The following KCNJ4 variants were observed in gnomAD, a reference collection of about 807,000 sequenced individuals.
The protein encoded by KCNJ4 is inward rectifier potassium channel 4.
A neutral mutation model predicts 25.6 loss-of-function variants in KCNJ4; 3 were observed. That is an observed-to-expected ratio of 0.12 (90% CI 0.05 to 0.30). The LOEUF (loss-of-function observed/expected upper bound fraction) is 0.30. Ranked by LOEUF, KCNJ4 falls within the 10% of genes least tolerant of loss-of-function variation. The pLI is 1.00. For synonymous variants in KCNJ4, 257 were observed against 283.9 expected (o/e 0.91, Z 0.95); for missense variants, 286 against 666.8 (o/e 0.43, Z 6.29).
chr22:38,435,752 T>C (rs1249407871), intron 1 of KCNJ4, among the ~76,000 whole-genome samples: 1 of 151,460 alleles, frequency 6.6e-6, no homozygotes, highest in East Asian at 1.9e-4. Flanking sequence ...TTCCCAGCCC[T>C]TGTGGAGCAC....
chr22:38,450,705 C>T (rs2089405509), intron 1 of KCNJ4, among the ~76,000 whole-genome samples: 1 of 152,186 alleles, frequency 6.6e-6, no homozygotes, highest in Non-Finnish European at 1.5e-5. Flanking sequence ...CTCTGGGCAC[C>T]TTCGGGCAGG....
Position 38,431,964 on chromosome 22 carries a change from T to TA in KCNJ4, c.-39-3794dup, listed in dbSNP as rs551503444. ...CTGACTAGAGATGTTTTTTTTTTTT[T>TA]AAAGGGCCCTGCTGGGCTAGGTGAC... is the stretch of plus-strand genomic sequence containing the variant. On this transcript the variant is annotated intron_variant, in intron 1 of 1. Transcript: ENST00000303592. Among the ~76,000 whole-genome samples the TA allele has an allele frequency of 7.4e-3, 1,119 of 151,468 alleles. 13 individuals are homozygous for TA. The highest frequency in any genetic ancestry group is 0.026 in the African/African-American group (1,069 of 41,210).
chr22:38,440,788 G>T (rs2089326492), intron 1 of KCNJ4, among the ~76,000 whole-genome samples: 1 of 152,186 alleles, frequency 6.6e-6, no homozygotes, highest in Admixed American at 6.5e-5. Context: ...AGTCCGCAGG[G>T]TTTGAGGGTG....
chr22:38,454,593 T>C (rs1431333485), intron 1 of KCNJ4, among the ~76,000 whole-genome samples: 1 of 152,118 alleles, frequency 6.6e-6, no homozygotes, highest in Non-Finnish European at 1.5e-5. Context: ...AGGATGCAGC[T>C]GGGGAGGCGG....
At chr22:38,433,601 G>T (rs536691728) in intron 1 of KCNJ4, among the ~76,000 whole-genome samples, 2 of 152,178 alleles carry the variant, frequency 1.3e-5, no homozygotes, top group Admixed American at 1.3e-4. Flanking sequence ...ACAGGCACGA[G>T]CCACTGCATC....
chr22:38,440,092 C>G (rs577881529), intron 1 of KCNJ4, among the ~76,000 whole-genome samples: 3 of 140,064 alleles, frequency 2.1e-5, no homozygotes, highest in African/African-American at 8.1e-5. Flanking sequence ...AGCGAGACTT[C>G]GTCTCAAAAA....
At chr22:38,442,153 T>C (rs757184062) in intron 1 of KCNJ4, among the ~76,000 whole-genome samples, 1 of 152,098 alleles carries the variant, frequency 6.6e-6, no homozygotes, top group Admixed American at 6.6e-5. Context: ...TTTGTGTCTT[T>C]TTAAATTTTA....
chr22:38,428,226 G>A (rs2093039113), intron 1 of KCNJ4, 55 bp from the exon 2 acceptor site: 1 of 1,455,276 alleles, frequency 6.9e-7, no homozygotes. Flanking sequence ...GCTCCCTCGG[G>A]GCCACTCAGA....
In KCNJ4 at chr22:38,427,862, G is replaced by A; in HGVS notation, c.271C>T (p.Pro91Ser). 2 of 1,611,218 alleles carry A rather than the reference G, an allele frequency of 1.2e-6. No individual in the cohort carries two copies. Among genetic ancestry groups the A allele is most frequent in the Non-Finnish European group, 1.7e-6 (2 of 1,178,560 alleles). The change falls in exon 2 of 2, where the codon CCA becomes TCA. Residue 91 changes from proline (P) to serine (S), a missense_variant. By Grantham distance (74) the Pro-to-Ser change is moderately conservative. Transcript: ENST00000303592. ...GGGCCCCCCGCCGCAGGCACCCCTGGGCTGGCCTCCAGGTCACCGTGGAAG... is the reference window on the plus strand; with the variant it reads ...GGGCCCCCCGCCGCAGGCACCCCTGAGCTGGCCTCCAGGTCACCGTGGAAG... The part of the protein sequence containing the change: ...AFFHGDLEAS[P>S]GVPAAGGPAA...
At position 38,449,379 on chromosome 22, in the gene KCNJ4, G is replaced by T. The variant is rs2089396687; in HGVS notation, c.-40+5601C>A. On this transcript the variant is annotated intron_variant, in intron 1 of 1. Transcript: ENST00000303592. The surrounding 1 kb of genome is among the most constrained non-coding windows in gnomAD (Gnocchi z 5.2). ...AAGTGGGGGTGATGGTTCTCCCAGGGTGGTGGAGGATTAAGTGAAATCATG... is the reference window on the plus strand; with the variant it reads ...AAGTGGGGGTGATGGTTCTCCCAGGTTGGTGGAGGATTAAGTGAAATCATG... Among the ~76,000 whole-genome samples the T allele has an allele frequency of 6.6e-6, 1 of 152,152 alleles. No homozygotes were observed. Among genetic ancestry groups the T allele is most frequent in the African/African-American group, 2.4e-5 (1 of 41,428 alleles).
rs573179515 is a variant in KCNJ4 at position 38,428,127 on chromosome 22, G to A, written c.6C>T (p.His2=). 5.6e-6 allele frequency: 9 copies of A among 1,607,366 alleles called. No homozygotes were observed. Among genetic ancestry groups the A allele is most frequent in the African/African-American group, 4.0e-5 (3 of 74,980 alleles). ...GGGCCTGGCCGTTGCGGCTGTGTCC[G>A]TGCATGTCCTGAAGCCGGCGTGGTC... M[H]GHSRNGQAHV... The change falls in exon 2 of 2, where the codon CAC becomes CAT. Residue 2 remains histidine, a synonymous_variant. Transcript: ENST00000303592.
chr22:38,447,025 T>TAAAAAAAAAAAAAAAAAAAAAAAAA (rs2089379820), intron 1 of KCNJ4, among the ~76,000 whole-genome samples: 1 of 144,334 alleles, frequency 6.9e-6, no homozygotes, highest in African/African-American at 2.6e-5. Flanking sequence ...CTCAGAGAGG[T>TAAAAAAAAAAAAAAAAAAAAAAAAA]GAAAAACCTG....
chr22:38,431,314 A>G (rs1451564700), intron 1 of KCNJ4, among the ~76,000 whole-genome samples: 1 of 152,034 alleles, frequency 6.6e-6, no homozygotes, highest in Non-Finnish European at 1.5e-5. Flanking sequence ...GGCTACAGAG[A>G]TTGGGCATCC....
chr22:38,451,975 G>A (rs2089412909), intron 1 of KCNJ4, among the ~76,000 whole-genome samples: 1 of 152,224 alleles, frequency 6.6e-6, no homozygotes, highest in Admixed American at 6.5e-5. Context: ...GGGCCCCTGA[G>A]TGTCTATGGT....
intron 1 of KCNJ4, among the ~76,000 whole-genome samples, chr22:38,438,724 AAAG>A (rs1273631594): frequency 3.3e-5 from 5 of 151,742 alleles, no homozygotes; most frequent in African/African-American, 4.8e-5. Flanking sequence ...AGAAAGAAAG[AAAG>A]AATACTCCAA....
chr22:38,427,352 T>C lies in KCNJ4; in HGVS notation c.781A>G (p.Ile261Val). Reference protein sequence around the residue: ...DRIFLVSPIIIVHEIDEDSPL... With the variant: ...DRIFLVSPIIVVHEIDEDSPL... ...CTGTCCTCGTCGATCTCGTGGACAA[T>C]GATGATGGGCGACACCAGGAAGATG... is the stretch of plus-strand genomic sequence containing the variant. The change falls in exon 2 of 2, where the codon ATT (isoleucine) becomes GTT (valine). Residue 261 changes from isoleucine (I) to valine (V), a missense_variant. Coordinates refer to ENST00000303592, the MANE Select transcript of KCNJ4 (RefSeq NM_152868.3). 1 of 1,613,890 alleles carries C rather than the reference T, an allele frequency of 6.2e-7. No individual in the cohort carries two copies. Among genetic ancestry groups the C allele is most frequent in the Non-Finnish European group, 8.5e-7 (1 of 1,179,994 alleles).
At chr22:38,436,475 T>A (rs2093065716) in intron 1 of KCNJ4, among the ~76,000 whole-genome samples, 1 of 152,210 alleles carries the variant, frequency 6.6e-6, no homozygotes, top group Admixed American at 6.5e-5. Context: ...CACTGGATTC[T>A]CTGAGCCTCG....
At position 38,451,754 on chromosome 22, in the gene KCNJ4, C is replaced by T. The variant is rs543303977; in HGVS notation, c.-40+3226G>A. 5.9e-5 allele frequency among the ~76,000 whole-genome samples: 9 copies of T among 152,268 alleles called. No homozygotes were observed. In the East Asian group the frequency reaches 1.7e-3, roughly 29 times the overall value. ...CACTTCCCCCTCAGGCCTCAGTTTC[C>T]ACTTTTGTAAAACAATGGCCCTGGC... On this transcript the variant is annotated intron_variant, in intron 1 of 1. Transcript: ENST00000303592.
At chr22:38,448,051 G>A (rs2089386790) in intron 1 of KCNJ4, among the ~76,000 whole-genome samples, 2 of 126,850 alleles carry the variant, frequency 1.6e-5, no homozygotes, top group South Asian at 5.4e-4. Context: ...GAGACACAGT[G>A]AGACTCTCAA....
Sources: gnomAD v4.1 joint callset for allele counts (sites outside exome capture counted in the v4.1 genomes callset) on GRCh38, gnomAD v4.1.1 for gene constraint, Gnocchi (gnomAD v3.1) non-coding constraint, MANE v1.5 for transcripts, NCBI Gene and HGNC (gene_info 2026-07-23, HGNC 2026-07-21) for gene names.